Variants in IFT57 observed in about 807,000 individuals in gnomAD.
IFT57 encodes intraflagellar transport 57, also known as intraflagellar transport protein 57 homolog.
In IFT57, 59 loss-of-function variants were observed where a neutral mutation model predicts 56.8. That is an observed-to-expected ratio of 1.04 (90% CI 0.84 to 1.29). The LOEUF is 1.29. IFT57 is among the 50% of genes most tolerant of loss of function. The pLI, the probability that IFT57 is intolerant of heterozygous loss-of-function variation, is 0.00. For synonymous variants in IFT57, 209 were observed against 186.1 expected (o/e 1.12, Z -1.00); for missense variants, 470 against 522.1 (o/e 0.90, Z 0.97).
chr3:108,175,226 T>C (rs1461530012), intron 6 of IFT57, among the ~76,000 whole-genome samples: 1 of 151,846 alleles, frequency 6.6e-6, no homozygotes, highest in Non-Finnish European at 1.5e-5. Flanking sequence ...TTCTTTCTAC[T>C]GAAGATGAAT....
chr3:108,213,935 A>C lies in IFT57; in HGVS notation c.581T>G (p.Phe194Cys). Residue 194 changes from phenylalanine to cysteine, a missense_variant, in exon 4 of 11, where the codon TTT (phenylalanine) becomes TGT (cysteine). By Grantham distance (205) the Phe-to-Cys change is radical. Transcript: ENST00000264538. Reference sequence around the variant, plus strand: ...AAAGTTCAGCTACACACATACCACAAATTCTTCATCCACTTTATTTAATGT... The same window carrying C: ...AAAGTTCAGCTACACACATACCACACATTCTTCATCCACTTTATTTAATGT... ...ELTLNKVDEE[F>C]VEEETDNEEN... is the part of the protein sequence containing the mutation. The C allele has an allele frequency of 6.3e-7, 1 of 1,597,876 alleles. No individual in the cohort carries two copies. Among genetic ancestry groups the C allele is most frequent in the Non-Finnish European group, 8.6e-7 (1 of 1,165,984 alleles).
rs2080032729 is a variant in IFT57, at chr3:108,161,665, C to G, written c.*812G>C. ...AGAAATCCTAGCCTAGAAAGTTGCT[C>G]AGGAAGATGCATAAGTAAAGATCAT... On this transcript the variant is annotated 3_prime_UTR_variant, in exon 11 of 11. Coordinates refer to ENST00000264538, the MANE Select transcript of IFT57 (RefSeq NM_018010.4). The G allele has an allele frequency of 6.6e-6, 1 of 152,060 alleles. No homozygotes were observed. Among genetic ancestry groups the G allele is most frequent in the Non-Finnish European group, 1.5e-5 (1 of 68,018 alleles). The allele number at this position is 152,060 out of a possible 1,614,324, so 9.4% of individuals were successfully genotyped here. A position where few individuals can be genotyped will look rare whatever the true frequency, so the allele number is the denominator to read the frequency against.
chr3:108,176,887 T>C (rs9822968), intron 6 of IFT57, among the ~76,000 whole-genome samples: 14,628 of 151,830 alleles, frequency 0.096, 763 homozygotes, highest in Middle Eastern at 0.12. Flanking sequence ...TAGTATGTGT[T>C]AGGCACTATG....
chr3:108,186,447 A>C (rs1475213084), intron 6 of IFT57, among the ~76,000 whole-genome samples: 1 of 152,124 alleles, frequency 6.6e-6, no homozygotes, highest in Non-Finnish European at 1.5e-5. Context: ...AGTGCTTCCA[A>C]ACCATGCCAA....
At chr3:108,217,816 A>C (rs1282821967) in intron 3 of IFT57, among the ~76,000 whole-genome samples, 1 of 151,822 alleles carries the variant, frequency 6.6e-6, no homozygotes, top group African/African-American at 2.4e-5. Flanking sequence ...TGCAAAGCAT[A>C]AAATTTATGT....
chr3:108,166,602 C>T (rs879416897), intron 8 of IFT57, among the ~76,000 whole-genome samples: 1 of 152,082 alleles, frequency 6.6e-6, no homozygotes, highest in East Asian at 1.9e-4. Flanking sequence ...GTTCCCCCAA[C>T]AGCATATGCC....
intron 3 of IFT57, among the ~76,000 whole-genome samples, chr3:108,217,594 A>C (rs2080379645): frequency 6.6e-6 from 1 of 151,970 alleles, no homozygotes; most frequent in Non-Finnish European, 1.5e-5. Flanking sequence ...AATTCAAGGA[A>C]GTTATTAAAC....
intron 6 of IFT57, among the ~76,000 whole-genome samples, chr3:108,169,532 T>C (rs1483491958): frequency 6.6e-6 from 1 of 152,038 alleles, no homozygotes; most frequent in Admixed American, 6.6e-5. Context: ...GCCATTGCTT[T>C]TGGTGTTTTA....
chr3:108,216,340 T>C (rs1344246145), intron 3 of IFT57, among the ~76,000 whole-genome samples: 2 of 152,102 alleles, frequency 1.3e-5, no homozygotes, highest in Non-Finnish European at 1.5e-5. Flanking sequence ...TCTCAAAAAA[T>C]ACATAGAAAC....
rs201419075 is a variant in IFT57 at position 108,167,774 on chromosome 3, C to T, written c.849+19G>A. 1.4e-4 allele frequency: 208 copies of T among 1,488,146 alleles called. 1 individual carries two copies. In the East Asian group the frequency reaches 4.1e-3, roughly 30 times the overall value. 92.2% of individuals were successfully genotyped at this position (1,488,146 alleles called of 1,614,324 possible). On this transcript the variant is annotated intron_variant, in intron 7 of 10. Coordinates refer to ENST00000264538, the MANE Select transcript of IFT57 (RefSeq NM_018010.4). Reference sequence around the variant, plus strand: ...AGATGAGTAAATGTACATTGATTCACGTAAAGTAATTCATATACCTTGGTC... The same window carrying T: ...AGATGAGTAAATGTACATTGATTCATGTAAAGTAATTCATATACCTTGGTC...
intron 5 of IFT57, among the ~76,000 whole-genome samples, chr3:108,205,231 T>G (rs2080302840): frequency 6.6e-6 from 1 of 152,122 alleles, no homozygotes; most frequent in South Asian, 2.1e-4. Context: ...TGACAGATAT[T>G]ATTATAGTGT....
chr3:108,189,016 A>C (rs9853929), intron 6 of IFT57, among the ~76,000 whole-genome samples: 14,637 of 152,290 alleles, frequency 0.096, 765 homozygotes, highest in Middle Eastern at 0.12. Context: ...ACACATCATT[A>C]TAACCAGAAT....
chr3:108,211,803 T>C (rs879605025), intron 4 of IFT57, among the ~76,000 whole-genome samples: 1 of 152,188 alleles, frequency 6.6e-6, no homozygotes, highest in Non-Finnish European at 1.5e-5. Context: ...ATACAAAGCA[T>C]AGAAAACAAT....
At position 108,163,556 on chromosome 3, in the gene IFT57, G is replaced by C. The variant is rs913065402; in HGVS notation, c.1111+107C>G. On this transcript the variant is annotated intron_variant, in intron 10 of 10. Transcript: ENST00000264538. ...GTACAATGAATCTCTCTTCAAACAA[G>C]CAACAAATAATTTGTTTTATATATT... The C allele has an allele frequency of 4.2e-6, 3 of 720,936 alleles. No individual in the cohort carries two copies. The African/African-American group carries it at 5.5e-5, about 13-fold the overall frequency. 44.7% of individuals were successfully genotyped at this position (720,936 alleles called of 1,614,324 possible).
At position 108,162,329 on chromosome 3, in the gene IFT57, C is replaced by T. The variant is rs1178249274; in HGVS notation, c.*148G>A. On this transcript the variant is annotated 3_prime_UTR_variant, in exon 11 of 11. Transcript: ENST00000264538. ...TTACATTCAGTGTAAAGGCTTTAAC[C>T]ATCATAATCACCATGATATAATATG... The T allele has an allele frequency of 7.6e-6, 4 of 526,746 alleles. No individual in the cohort carries two copies. The highest frequency in any genetic ancestry group is 1.9e-5 in the African/African-American group (1 of 51,510). The allele number at this position is 526,746 out of a possible 1,614,324, so 32.6% of individuals were successfully genotyped here.
At chr3:108,211,168 A>G (rs192111060) in intron 4 of IFT57, among the ~76,000 whole-genome samples, 68 of 152,270 alleles carry the variant, frequency 4.5e-4, no homozygotes, top group Admixed American at 4.2e-3. Context: ...CCTCCTGACT[A>G]GTGGGTTTGT....
rs2080412276 is a variant in IFT57, at chr3:108,222,424, C to G, written c.-102G>C. 5 of 745,102 alleles carry G rather than the reference C, an allele frequency of 6.7e-6. No individual in the cohort carries two copies. The highest frequency in any genetic ancestry group is 8.1e-6 in the Non-Finnish European group (4 of 492,780). 46.2% of individuals were successfully genotyped at this position (745,102 alleles called of 1,614,324 possible). ...AGTACAGCCACGACCGGTTACCAGG[C>G]GACCACCGGACAATCCGTCACCAGG... On this transcript the variant is annotated 5_prime_UTR_variant, in exon 1 of 11. Transcript: ENST00000264538.
chr3:108,179,422 C>T (rs899268575), intron 6 of IFT57, among the ~76,000 whole-genome samples: 7 of 151,972 alleles, frequency 4.6e-5, no homozygotes, highest in East Asian at 1.9e-4. Flanking sequence ...GGAAATACTT[C>T]TCGGACAAAA....
intron 6 of IFT57, among the ~76,000 whole-genome samples, chr3:108,181,674 A>AATAATTGTATTTTGTTTAAATAAATGT (rs2080151786): frequency 6.6e-6 from 1 of 152,104 alleles, no homozygotes; most frequent in Non-Finnish European, 1.5e-5. Flanking sequence ...ATTTTGTTTA[A>AATAATTGTATTTTGTTTAAATAAATGT]ACAGCAGCAT....
Sources: gnomAD v4.1 joint callset for allele counts (sites outside exome capture counted in the v4.1 genomes callset) on GRCh38, gnomAD v4.1.1 for gene constraint, MANE v1.5 for transcripts, NCBI Gene and HGNC (gene_info 2026-07-23, HGNC 2026-07-21) for gene names.